Variants in FAIM2 observed in about 807,000 individuals in gnomAD.
FAIM2 encodes Fas apoptotic inhibitory molecule 2.
In FAIM2, 27 loss-of-function variants were observed where a neutral mutation model predicts 47.4. That is an observed-to-expected ratio of 0.57 (90% confidence interval 0.42 to 0.78). FAIM2 has a LOEUF of 0.78. Ranked by LOEUF, FAIM2 falls within the 30% of genes least tolerant of loss-of-function variation. FAIM2 has a pLI of 0.00. For missense variants in FAIM2, 311 were observed against 389.4 expected, an observed-to-expected ratio of 0.80 and a Z score of 1.69; for synonymous variants, 156 against 159.3, an observed-to-expected ratio of 0.98 and a Z score of 0.16.
chr12:49,889,574 G>T lies in FAIM2; in HGVS notation c.564-6C>A. ...CGGAGGTGGTGTTGTAGTAGCTGAGGACCGTCAGGCCGAGGGGTCAGCTCT... is the reference window on the plus strand; with the variant it reads ...CGGAGGTGGTGTTGTAGTAGCTGAGTACCGTCAGGCCGAGGGGTCAGCTCT... On this transcript the variant is annotated splice_polypyrimidine_tract_variant and splice_region_variant and intron_variant, in intron 8 of 11. Coordinates refer to ENST00000320634, the MANE Select transcript of FAIM2 (RefSeq NM_012306.4). The T allele has an allele frequency of 6.2e-7, 1 of 1,613,532 alleles. No homozygotes were observed. The highest frequency in any genetic ancestry group is 1.1e-5 in the South Asian group (1 of 91,032).
chr12:49,890,486 C>T (rs918299716), intron 7 of FAIM2, among the ~76,000 whole-genome samples, 197 bp downstream of exon 7: 3 of 152,162 alleles, frequency 2.0e-5, no homozygotes, highest in Non-Finnish European at 2.9e-5. Context: ...GGATGGGGAA[C>T]GGGCAAGATT....
At chr12:49,891,815 G>A (rs1357668388) in intron 5 of FAIM2, among the ~76,000 whole-genome samples, 1 of 152,198 alleles carries the variant, frequency 6.6e-6, no homozygotes, top group East Asian at 1.9e-4. Context: ...ACGTCCAGTG[G>A]GAGGCTGGCA....
Position 49,878,539 on chromosome 12 carries a change from T to C in FAIM2, c.802-7886A>G, listed in dbSNP as rs1210059008. 3.2e-5 allele frequency among the ~76,000 whole-genome samples: 3 copies of C among 92,642 alleles called. 1 individual carries two copies. Among genetic ancestry groups the C allele is most frequent in the African/African-American group, 1.5e-4 (3 of 20,198 alleles). The allele number at this position is 92,642 out of a possible 152,430, so 60.8% of individuals were successfully genotyped here. On this transcript the variant is annotated intron_variant, in intron 11 of 11. Coordinates refer to ENST00000320634, the MANE Select transcript of FAIM2 (RefSeq NM_012306.4). ...GCATATGACTGTGTATGTGCATGTG[T>C]ATATGTGCGTGCATGTGTGAGTGTA... is the stretch of plus-strand genomic sequence containing the variant.
chr12:49,889,394 G>C (rs1240113611), intron 9 of FAIM2, 87 bp downstream of exon 9: 1 of 1,280,006 alleles, frequency 7.8e-7, no homozygotes, highest in East Asian at 2.3e-5. Context: ...CCCAGCCCCA[G>C]GTCCGAGCTC....
At chr12:49,885,785 T>A (rs1946856851) in intron 11 of FAIM2, among the ~76,000 whole-genome samples, 1 of 152,160 alleles carries the variant, frequency 6.6e-6, no homozygotes, top group South Asian at 2.1e-4. Context: ...TGGAGGTCAT[T>A]TATTCATTCT....
At chr12:49,870,765 C>A in intron 11 of FAIM2, 112 bp from the exon 12 acceptor site, 1 of 1,016,210 alleles carries the variant, frequency 9.8e-7, no homozygotes, top group Non-Finnish European at 1.4e-6. Context: ...TTACCCTCAC[C>A]AGCTGCCTGA....
At chr12:49,895,176 C>T (rs1184578254) in intron 5 of FAIM2, among the ~76,000 whole-genome samples, 1 of 152,130 alleles carries the variant, frequency 6.6e-6, no homozygotes, top group Non-Finnish European at 1.5e-5. Context: ...GAAAAGCGCC[C>T]AGTCCACGCC....
At chr12:49,899,688 G>C (rs1946968006) in intron 2 of FAIM2, among the ~76,000 whole-genome samples, 2 of 152,210 alleles carry the variant, frequency 1.3e-5, no homozygotes, top group South Asian at 4.1e-4. Flanking sequence ...TGTTAGGTGG[G>C]TTAGGTAAGG....
chr12:49,879,554 ATG>A (rs1183163453), intron 11 of FAIM2, among the ~76,000 whole-genome samples: 1,606 of 146,318 alleles, frequency 0.011, 25 homozygotes, highest in African/African-American at 0.038. Context: ...GTATGGGTGT[ATG>A]TGCATGCATG....
intron 11 of FAIM2, among the ~76,000 whole-genome samples, chr12:49,871,983 T>G (rs1043322293): frequency 4.6e-5 from 7 of 152,196 alleles, no homozygotes; most frequent in African/African-American, 1.7e-4. Flanking sequence ...AGAATTCTTT[T>G]ACATTGATTC....
chr12:49,900,585 C>T (rs755642209), intron 2 of FAIM2, among the ~76,000 whole-genome samples: 40 of 152,186 alleles, frequency 2.6e-4, no homozygotes, highest in Admixed American at 1.8e-3. Context: ...TGCCCCAGCA[C>T]GGGCTCGGGG....
Position 49,874,321 on chromosome 12 carries a change from C to T in FAIM2, c.802-3668G>A, listed in dbSNP as rs369090275. On this transcript the variant is annotated intron_variant, in intron 11 of 11. Coordinates refer to ENST00000320634, the MANE Select transcript of FAIM2 (RefSeq NM_012306.4). This position sits in a 1 kb window ranked among gnomAD's most constrained non-coding sequence, Gnocchi z 4.2. The stretch of plus-strand genomic sequence containing the variant: ...CTCCCCATTTGCCCTGGGAGGTGGG[C>T]GTCCTCATGGTCTTACATGAGGAAA... Among the ~76,000 whole-genome samples, 35 of 152,262 alleles carry T rather than the reference C, an allele frequency of 2.3e-4. No homozygotes were observed. Among genetic ancestry groups the T allele is most frequent in the South Asian group, 6.2e-4 (3 of 4,828 alleles).
At chr12:49,890,038 C>A in intron 8 of FAIM2, 79 bp downstream of exon 8, 1 of 1,420,942 alleles carries the variant, frequency 7.0e-7, no homozygotes, top group East Asian at 2.3e-5. Flanking sequence ...GTGTGTGGGG[C>A]AGCTCCCCTC....
At position 49,874,568 on chromosome 12, in the gene FAIM2, AGGCT is replaced by A. The variant is rs1946723501; in HGVS notation, c.802-3919_802-3916del. Reference sequence around the variant, plus strand: ...CCTGACCCTGCCATATCTGGGGCCCAGGCTTATGTCCGTTGTCCTCCCTGAATGT... The same window carrying A: ...CCTGACCCTGCCATATCTGGGGCCCATATGTCCGTTGTCCTCCCTGAATGT... On this transcript the variant is annotated intron_variant, in intron 11 of 11. Coordinates refer to ENST00000320634, the MANE Select transcript of FAIM2 (RefSeq NM_012306.4). This position sits in a 1 kb window ranked among gnomAD's most constrained non-coding sequence, Gnocchi z 4.2. Among the ~76,000 whole-genome samples, 5 of 152,210 alleles carry A rather than the reference AGGCT, an allele frequency of 3.3e-5. No homozygotes were observed. The highest frequency in any genetic ancestry group is 7.3e-5 in the Non-Finnish European group (5 of 68,048).
intron 5 of FAIM2, among the ~76,000 whole-genome samples, chr12:49,895,904 G>A (rs949490685): frequency 2.0e-5 from 3 of 152,232 alleles, no homozygotes; most frequent in Non-Finnish European, 4.4e-5. Context: ...TGCTCTCCAA[G>A]ATGCCTTGGA....
rs1325042561 is a variant in FAIM2 at position 49,889,348 on chromosome 12, C to T, written c.651+133G>A. ...TCCCCTCCTCCCCCTCATCAGGTGG[C>T]TTCCCCAAACCCAACTCACCCCCTT... On this transcript the variant is annotated intron_variant, in intron 9 of 11. Coordinates refer to ENST00000320634, the MANE Select transcript of FAIM2 (RefSeq NM_012306.4). 6 of 994,976 alleles carry T rather than the reference C, an allele frequency of 6.0e-6. No individual in the cohort carries two copies. In the East Asian group the frequency reaches 1.3e-4, roughly 21 times the overall value. The allele number at this position is 994,976 out of a possible 1,614,324, so 61.6% of individuals were successfully genotyped here.
intron 11 of FAIM2, among the ~76,000 whole-genome samples, chr12:49,882,312 G>A (rs901171836): frequency 2.0e-5 from 3 of 152,186 alleles, no homozygotes; most frequent in African/African-American, 7.2e-5. Flanking sequence ...CACAGAGTCC[G>A]CAGGCCTGAG....
chr12:49,877,137 G>T (rs1274241337), intron 11 of FAIM2, among the ~76,000 whole-genome samples: 2 of 152,224 alleles, frequency 1.3e-5, no homozygotes, highest in Non-Finnish European at 2.9e-5. Context: ...CCCCAGGCAG[G>T]TGTGGAGCTG....
At chr12:49,877,055 G>A (rs1003083547) in intron 11 of FAIM2, among the ~76,000 whole-genome samples, 5 of 152,200 alleles carry the variant, frequency 3.3e-5, no homozygotes, top group African/African-American at 1.2e-4. Context: ...CCTACTGGCC[G>A]TGCCAGTGCC....
Sources: allele counts gnomAD v4.1 joint callset (sites outside exome capture counted in the v4.1 genomes callset), GRCh38; gene constraint gnomAD v4.1.1; non-coding constraint Gnocchi (gnomAD v3.1); transcripts MANE v1.5; gene names NCBI Gene and HGNC (gene_info 2026-07-23, HGNC 2026-07-21).